Variants in PALM2AKAP2 observed in about 807,000 individuals in gnomAD.
The protein encoded by PALM2AKAP2 is PALM2-AKAP2 fusion protein.
A neutral mutation model predicts 71.5 loss-of-function variants in PALM2AKAP2; 37 were observed. That is an observed-to-expected ratio of 0.52 (90% confidence interval 0.40 to 0.68). PALM2AKAP2 has a LOEUF of 0.68. Among genes scored for constraint, PALM2AKAP2 ranks in the 30% least tolerant of loss-of-function variants. The pLI is 0.00. For missense variants in PALM2AKAP2, 1,224 were observed against 1,191.8 expected (o/e 1.03, Z -0.40); for synonymous variants, 468 against 478.8 (o/e 0.98, Z 0.29).
chr9:109,716,202 T>A (rs557145749), intron 1 of PALM2AKAP2, among the ~76,000 whole-genome samples: 1 of 152,340 alleles, frequency 6.6e-6, no homozygotes, highest in African/African-American at 2.4e-5. Flanking sequence ...CTCTCCTCTT[T>A]ATGTCGTGTT....
intron 1 of PALM2AKAP2, among the ~76,000 whole-genome samples, chr9:109,643,443 A>G (rs1040411501): frequency 6.6e-6 from 1 of 152,250 alleles, no homozygotes; most frequent in African/African-American, 2.4e-5. Flanking sequence ...TCCCAGACTT[A>G]GCACTTGGGT....
intron 1 of PALM2AKAP2, among the ~76,000 whole-genome samples, chr9:109,642,452 A>C (rs989621230): frequency 1.4e-5 from 2 of 147,758 alleles, no homozygotes. Flanking sequence ...TTGGTGCAAC[A>C]GTAATTGCAG....
intron 6 of PALM2AKAP2, among the ~76,000 whole-genome samples, chr9:109,989,385 C>T (rs1350557886): frequency 6.6e-6 from 1 of 152,138 alleles, no homozygotes; most frequent in Non-Finnish European, 1.5e-5. Context: ...TAATTTCCTC[C>T]CTTTTTCTTT....
At chr9:110,157,693 C>A (rs570255462) in intron 3 of PALM2AKAP2, among the ~76,000 whole-genome samples, 2 of 152,288 alleles carry the variant, frequency 1.3e-5, no homozygotes, top group Non-Finnish European at 2.9e-5. Context: ...AGCCACTGCA[C>A]CCAGCCTGCC....
chr9:110,168,404 C>T (rs747503513), exon 4 of PALM2AKAP2: 14 of 1,613,948 alleles, frequency 8.7e-6, no homozygotes, highest in African/African-American at 4.0e-5. Context: ...TACAGGTCCT[C>T]GAGGCCACAC....
chr9:110,123,093 T>C (rs1255934656), intron 1 of PALM2AKAP2, among the ~76,000 whole-genome samples: 1 of 152,196 alleles, frequency 6.6e-6, no homozygotes, highest in East Asian at 1.9e-4. Flanking sequence ...TTTTGCAGCT[T>C]GGGTTGAGGG....
intron 4 of PALM2AKAP2, among the ~76,000 whole-genome samples, chr9:109,924,399 C>A (rs1281687767): frequency 6.6e-6 from 1 of 151,968 alleles, no homozygotes; most frequent in Non-Finnish European, 1.5e-5. Flanking sequence ...GAGATCGAGA[C>A]CATCCTGGCT....
intron 7 of PALM2AKAP2, among the ~76,000 whole-genome samples, chr9:110,022,074 A>G (rs1833083068): frequency 6.6e-6 from 1 of 152,110 alleles, no homozygotes; most frequent in Non-Finnish European, 1.5e-5. Flanking sequence ...ATTACTTCCC[A>G]TTTCAACACT....
chr9:109,700,078 C>T (rs1828030964), intron 1 of PALM2AKAP2, among the ~76,000 whole-genome samples: 1 of 152,100 alleles, frequency 6.6e-6, no homozygotes, highest in African/African-American at 2.4e-5. Flanking sequence ...CTGGCCTACT[C>T]TTATAATACA....
chr9:109,776,863 AT>A (rs1289108723), upstream of PALM2AKAP2, among the ~76,000 whole-genome samples: 1 of 152,174 alleles, frequency 6.6e-6, no homozygotes, highest in Non-Finnish European at 1.5e-5. Flanking sequence ...AGCTTTTTTT[AT>A]TGTGGGTCTC....
chr9:109,655,017 C>T (rs1313490973), intron 1 of PALM2AKAP2, among the ~76,000 whole-genome samples: 1 of 152,086 alleles, frequency 6.6e-6, no homozygotes, highest in Non-Finnish European at 1.5e-5. Flanking sequence ...GGGCCGGGCG[C>T]GGTGGCTCAC....
chr9:109,835,958 G>T (rs1828463246), intron 1 of PALM2AKAP2, among the ~76,000 whole-genome samples: 1 of 152,224 alleles, frequency 6.6e-6, no homozygotes, highest in Non-Finnish European at 1.5e-5. Flanking sequence ...TGGGGGCAGG[G>T]CATAGCTGAA....
intron 1 of PALM2AKAP2, among the ~76,000 whole-genome samples, chr9:110,110,275 A>G (rs1378089758): frequency 6.6e-6 from 1 of 152,184 alleles, no homozygotes; most frequent in Middle Eastern, 3.2e-3. Context: ...GTTGTTGGGC[A>G]GCATCTTAGG....
At chr9:109,979,850 A>G (rs1832237687) in intron 6 of PALM2AKAP2, among the ~76,000 whole-genome samples, 1 of 152,154 alleles carries the variant, frequency 6.6e-6, no homozygotes, top group Non-Finnish European at 1.5e-5. Flanking sequence ...TGAGCTTTTT[A>G]TTTGTATGGC....
intron 1 of PALM2AKAP2, among the ~76,000 whole-genome samples, chr9:109,675,769 C>T (rs947935847): frequency 6.6e-6 from 1 of 152,156 alleles, no homozygotes; most frequent in African/African-American, 2.4e-5. Flanking sequence ...TTTCTTAGTC[C>T]ATACTGTCTC....
chr9:109,914,792 G>C (rs932553158), intron 3 of PALM2AKAP2, among the ~76,000 whole-genome samples: 1 of 152,222 alleles, frequency 6.6e-6, no homozygotes, highest in Non-Finnish European at 1.5e-5. Flanking sequence ...TCAATAGTGA[G>C]TTATTTCATA....
In PALM2AKAP2 at chr9:109,697,838, A is replaced by G. The variant is rs191812338; in HGVS notation, c.5+56972A>G. Among the ~76,000 whole-genome samples, 30 of 152,302 alleles carry G rather than the reference A, an allele frequency of 2.0e-4. No individual in the cohort carries two copies. In the East Asian group the frequency reaches 3.9e-3, roughly 20 times the overall value. On this transcript the variant is annotated intron_variant, in intron 1 of 6. Transcript: ENST00000374531. ...CCTTTTTAAATGATCACAAATTGCC[A>G]TGTATCTCCATTTAAATGAATTGTG...
intron 1 of PALM2AKAP2, among the ~76,000 whole-genome samples, chr9:109,724,821 TG>T (rs1404562315): frequency 2.0e-5 from 3 of 152,148 alleles, no homozygotes; most frequent in Admixed American, 1.3e-4. Flanking sequence ...CACAATAAAA[TG>T]GTCTTTCTGC....
At chr9:109,657,733 G>A (rs925139268) in intron 1 of PALM2AKAP2, among the ~76,000 whole-genome samples, 6 of 152,260 alleles carry the variant, frequency 3.9e-5, no homozygotes, top group African/African-American at 1.2e-4. Flanking sequence ...ATAGTTGGGT[G>A]TTTGCTGATG....
Sources: allele counts gnomAD v4.1 joint callset (sites outside exome capture counted in the v4.1 genomes callset), GRCh38; gene constraint gnomAD v4.1.1; transcripts MANE v1.5; gene names NCBI Gene and HGNC (gene_info 2026-07-23, HGNC 2026-07-21).